TMEM131L: variants seen among roughly 807,000 people sequenced by gnomAD.
The protein encoded by TMEM131L is transmembrane 131 like.
A neutral mutation model predicts 192.2 loss-of-function variants in TMEM131L; 54 were observed. The ratio of observed to expected loss-of-function variants is 0.28; its 90% CI spans 0.23 to 0.35. TMEM131L has a LOEUF of 0.35. Among genes scored for constraint, TMEM131L ranks in the 10% least tolerant of loss-of-function variants. The pLI, the probability that TMEM131L is intolerant of heterozygous loss-of-function variation, is 1.00. For synonymous variants in TMEM131L, 701 were observed against 704.9 expected, an observed-to-expected ratio of 0.99 and a Z score of 0.09; for missense variants, 1,888 against 1,972.9, an observed-to-expected ratio of 0.96 and a Z score of 0.82.
Position 153,593,669 on chromosome 4 carries a change from G to C in TMEM131L, c.1923-130G>C, listed in dbSNP as rs1731225572. 6.2e-6 allele frequency: 4 copies of C among 641,270 alleles called. No individual in the cohort carries two copies. The East Asian group carries it at 1.1e-4, about 18-fold the overall frequency. 39.7% of individuals were successfully genotyped at this position (641,270 alleles called of 1,614,324 possible). A position where few individuals can be genotyped will look rare whatever the true frequency, so the allele number is the denominator to read the frequency against. On this transcript the variant is annotated intron_variant, in intron 18 of 34. Transcript: ENST00000409959. The stretch of plus-strand genomic sequence containing the variant: ...GAATGTCGGGTGGACAGGATGGGAT[G>C]AATTTTGTGTGTATGTGTGTGCAAA...
intron 3 of TMEM131L, among the ~76,000 whole-genome samples, chr4:153,494,769 G>A (rs1733044024): frequency 6.6e-6 from 1 of 152,228 alleles, no homozygotes; most frequent in South Asian, 2.1e-4. Flanking sequence ...AAGCTGGAAA[G>A]TTCTTTAGCT....
At chr4:153,602,849 C>A in intron 23 of TMEM131L, 122 bp downstream of exon 23, 1 of 841,802 alleles carries the variant, frequency 1.2e-6, no homozygotes, top group Non-Finnish European at 1.9e-6. Flanking sequence ...ATTGTTACTG[C>A]TTCAAGAACT....
chr4:153,596,763 C>T (rs1284633210), intron 20 of TMEM131L, among the ~76,000 whole-genome samples: 1 of 152,206 alleles, frequency 6.6e-6, no homozygotes, highest in Non-Finnish European at 1.5e-5. Flanking sequence ...TTTGAACAAA[C>T]TTATATCACT....
chr4:153,574,123 C>T (rs539699371), intron 7 of TMEM131L, among the ~76,000 whole-genome samples: 8 of 151,254 alleles, frequency 5.3e-5, no homozygotes, highest in East Asian at 3.9e-4. Context: ...GTTGGCTAAG[C>T]ACTTGGCCAC....
intron 3 of TMEM131L, among the ~76,000 whole-genome samples, chr4:153,503,962 T>G (rs986276710): frequency 6.6e-6 from 1 of 152,110 alleles, no homozygotes; most frequent in Non-Finnish European, 1.5e-5. Flanking sequence ...TTAAATGCAC[T>G]TGTGTGGTTT....
intron 18 of TMEM131L, among the ~76,000 whole-genome samples, chr4:153,593,246 T>C (rs578071775): frequency 6.6e-6 from 1 of 152,312 alleles, no homozygotes; most frequent in East Asian, 1.9e-4. Context: ...GATCGACCCT[T>C]ATCCCAGGGT....
chr4:153,536,204 A>G (rs892958468), intron 3 of TMEM131L, among the ~76,000 whole-genome samples: 19 of 152,218 alleles, frequency 1.2e-4, no homozygotes, highest in African/African-American at 4.3e-4. Flanking sequence ...GGGGTTAACA[A>G]GCTGCTGATG....
At chr4:153,624,138 T>A (rs1348778373) in intron 29 of TMEM131L, among the ~76,000 whole-genome samples, 3 of 151,340 alleles carry the variant, frequency 2.0e-5, no homozygotes, top group Non-Finnish European at 2.9e-5. Flanking sequence ...ATTTTTTTTT[T>A]GAGAGAGAGT....
rs542448383 is a variant in TMEM131L, at chr4:153,584,079, C to T, written c.1060+407C>T. Among the ~76,000 whole-genome samples the T allele has an allele frequency of 4.6e-5, 7 of 152,328 alleles. No homozygotes were observed. The South Asian group carries it at 6.2e-4, about 14-fold the overall frequency. Reference sequence around the variant, plus strand: ...CCTCCAGATATGTATGTATTCAAAACTGTACCTATAAGAAATGTGTGTTTG... The same window carrying T: ...CCTCCAGATATGTATGTATTCAAAATTGTACCTATAAGAAATGTGTGTTTG... On this transcript the variant is annotated intron_variant, in intron 11 of 34. Transcript: ENST00000409959.
rs545721807 is a variant in TMEM131L at position 153,619,105 on chromosome 4, A to C, written c.3568-1651A>C. 2.0e-5 allele frequency among the ~76,000 whole-genome samples: 3 copies of C among 152,238 alleles called. No individual in the cohort carries two copies. In the East Asian group the frequency reaches 5.8e-4, roughly 29 times the overall value. ...TGAATGTACTCACCCTTTCGCTTGCACAGGATGACAGTTCCAACCAGATGG... is the reference window on the plus strand; with the variant it reads ...TGAATGTACTCACCCTTTCGCTTGCCCAGGATGACAGTTCCAACCAGATGG... On this transcript the variant is annotated intron_variant, in intron 26 of 34. Coordinates refer to ENST00000409959, the MANE Select transcript of TMEM131L (RefSeq NM_001131007.2).
chr4:153,619,185 G>A (rs957900952), intron 26 of TMEM131L, among the ~76,000 whole-genome samples: 1 of 152,138 alleles, frequency 6.6e-6, no homozygotes, highest in Non-Finnish European at 1.5e-5. Context: ...CGCTTTCTCA[G>A]ACCCCACTGA....
At chr4:153,467,083 C>G in intron 1 of TMEM131L, 128 bp from the exon 2 acceptor site, 1 of 920,352 alleles carries the variant, frequency 1.1e-6, no homozygotes, top group Non-Finnish European at 1.7e-6. Context: ...CTGGGATGGC[C>G]TCTGTTCCCA....
chr4:153,520,738 T>C (rs1316462960), intron 3 of TMEM131L, among the ~76,000 whole-genome samples: 26 of 152,346 alleles, frequency 1.7e-4, no homozygotes, highest in Admixed American at 1.6e-3. Context: ...TGAGGAGCAG[T>C]TATTTCTGTG....
chr4:153,537,712 T>C (rs1251059134), intron 3 of TMEM131L, among the ~76,000 whole-genome samples: 1 of 152,208 alleles, frequency 6.6e-6, no homozygotes, highest in Non-Finnish European at 1.5e-5. Context: ...TATCTTGTGC[T>C]GACCTCTTAT....
chr4:153,636,324 C>T lies in TMEM131L; in HGVS notation c.4581C>T (p.Ser1527=). Residue 1527 remains serine (S), a synonymous_variant, in exon 35 of 35, where the codon AGC becomes AGT. Coordinates refer to ENST00000409959, the MANE Select transcript of TMEM131L (RefSeq NM_001131007.2). ...SSPPYLTSTR[S]LSPMSGLFGS... The stretch of plus-strand genomic sequence containing the variant: ...AGCCCTACCTCACAAGCACCCGAAG[C>T]TTGTCTCCAATGTCTGGACTTTTTG... 1 of 1,613,910 alleles carries T rather than the reference C, an allele frequency of 6.2e-7. No individual in the cohort carries two copies. Among genetic ancestry groups the T allele is most frequent in the Non-Finnish European group, 8.5e-7 (1 of 1,179,874 alleles).
chr4:153,508,575 G>A (rs762265061), intron 3 of TMEM131L, among the ~76,000 whole-genome samples: 2 of 151,860 alleles, frequency 1.3e-5, no homozygotes, highest in Admixed American at 6.6e-5. Context: ...CATCTGTATC[G>A]TTGATAATGT....
chr4:153,503,655 A>G (rs933484188), intron 3 of TMEM131L, among the ~76,000 whole-genome samples: 1 of 152,198 alleles, frequency 6.6e-6, no homozygotes, highest in Non-Finnish European at 1.5e-5. Context: ...ACAACTTACT[A>G]GTGATATGAT....
intron 17 of TMEM131L, among the ~76,000 whole-genome samples, chr4:153,591,592 C>T (rs1012503686): frequency 3.3e-5 from 5 of 152,122 alleles, no homozygotes; most frequent in African/African-American, 1.2e-4. Flanking sequence ...GACTTCGGTG[C>T]TTGTCTGTGC....
intron 3 of TMEM131L, among the ~76,000 whole-genome samples, chr4:153,520,910 G>T (rs1311761145): frequency 2.0e-5 from 3 of 152,164 alleles, no homozygotes; most frequent in Non-Finnish European, 2.9e-5. Flanking sequence ...TTCAATCAAC[G>T]TCTTTGGATC....
Sources: allele counts gnomAD v4.1 joint callset (sites outside exome capture counted in the v4.1 genomes callset), GRCh38; gene constraint gnomAD v4.1.1; transcripts MANE v1.5; gene names NCBI Gene and HGNC (gene_info 2026-07-23, HGNC 2026-07-21).